MYT1L: variants seen among roughly 807,000 people sequenced by gnomAD.
MYT1L encodes the protein myelin transcription factor 1 like.
In MYT1L, 12 loss-of-function variants were observed where a neutral mutation model predicts 126.7. That is an observed-to-expected ratio of 0.09 (90% CI 0.06 to 0.15). MYT1L has a LOEUF of 0.15. Among genes scored for constraint, MYT1L ranks in the 10% least tolerant of loss-of-function variants. The probability of loss-of-function intolerance (pLI) is 1.00; values close to 1 mark genes in which losing one functional copy is unlikely to be tolerated. For missense variants in MYT1L, 979 were observed against 1,585.2 expected (o/e 0.62, Z 6.49); for synonymous variants, 541 against 604.2 (o/e 0.90, Z 1.53).
chr2:1,937,496 C>T (rs115645122), intron 9 of MYT1L, among the ~76,000 whole-genome samples: 2,006 of 151,426 alleles, frequency 0.013, 46 homozygotes, highest in African/African-American at 0.046. Context: ...CCCTAACGTC[C>T]GCGGCCATCA....
At chr2:2,188,477 C>T (rs2092362769) in intron 2 of MYT1L, among the ~76,000 whole-genome samples, 1 of 152,194 alleles carries the variant, frequency 6.6e-6, no homozygotes, top group Non-Finnish European at 1.5e-5. Context: ...GTGTGCAGTG[C>T]TTAATGCCAA....
chr2:2,308,976 C>G (rs2095906336), intron 1 of MYT1L, among the ~76,000 whole-genome samples: 2 of 151,808 alleles, frequency 1.3e-5, no homozygotes. Flanking sequence ...TTATTATATT[C>G]TACCTATACT....
intron 8 of MYT1L, among the ~76,000 whole-genome samples, chr2:1,944,567 G>A (rs150603475): frequency 6.6e-6 from 1 of 152,164 alleles, no homozygotes; most frequent in Non-Finnish European, 1.5e-5. Context: ...GGGGGCTCCT[G>A]CACACCTTGA....
At chr2:1,952,553 C>A (rs2057856179) in intron 8 of MYT1L, among the ~76,000 whole-genome samples, 1 of 151,716 alleles carries the variant, frequency 6.6e-6, no homozygotes, top group South Asian at 2.1e-4. Context: ...TCTATTTTTT[C>A]TTCTTGGAAT....
intron 18 of MYT1L, among the ~76,000 whole-genome samples, chr2:1,865,226 C>G (rs550485641): frequency 1.6e-4 from 25 of 152,280 alleles, no homozygotes; most frequent in African/African-American, 5.5e-4. Context: ...AAGGTGGGAC[C>G]TGCACTGGAT....
chr2:2,082,201 TA>T lies in MYT1L; in HGVS notation c.-303-28079del, dbSNP rs553234858. 2.4e-3 allele frequency among the ~76,000 whole-genome samples: 360 copies of T among 152,288 alleles called. 1 individual carries two copies. Among genetic ancestry groups the T allele is most frequent in the Non-Finnish European group, 4.4e-3 (297 of 68,014 alleles). Reference sequence around the variant, plus strand: ...GTGTATAGCATAAGACAGCATTATATAAAATGCTATGGAAACACCTGGGGCA... The same window carrying T: ...GTGTATAGCATAAGACAGCATTATATAAATGCTATGGAAACACCTGGGGCA... On this transcript the variant is annotated intron_variant, in intron 3 of 24. Transcript: ENST00000647738.
intron 3 of MYT1L, among the ~76,000 whole-genome samples, chr2:2,103,411 T>A (rs1029607159): frequency 1.3e-5 from 2 of 152,182 alleles, no homozygotes; most frequent in African/African-American, 4.8e-5. Context: ...CAACACGTCC[T>A]CCTCTTCTCT....
chr2:2,045,905 G>C (rs1228677552), intron 4 of MYT1L, among the ~76,000 whole-genome samples: 1 of 152,128 alleles, frequency 6.6e-6, no homozygotes, highest in South Asian at 2.1e-4. Context: ...CCATGGGTCT[G>C]TCTTAGCTAC....
In MYT1L at chr2:1,806,661, T is replaced by C. The variant is rs1392738737; in HGVS notation, c.3172+2415A>G. 6.6e-6 allele frequency among the ~76,000 whole-genome samples: 1 copy of C among 152,146 alleles called. No individual in the cohort carries two copies. The highest frequency in any genetic ancestry group is 2.4e-5 in the African/African-American group (1 of 41,448). ...CGACTCAGGCCCACCGATGAAGAGATGGCCACCTCAGGGATCTGCCCACCG... is the reference window on the plus strand; with the variant it reads ...CGACTCAGGCCCACCGATGAAGAGACGGCCACCTCAGGGATCTGCCCACCG... On this transcript the variant is annotated intron_variant, in intron 22 of 24. Coordinates refer to ENST00000647738, the MANE Select transcript of MYT1L (RefSeq NM_001303052.2). The surrounding 1 kb of genome is among the most constrained non-coding windows in gnomAD (Gnocchi z 4.9).
intron 3 of MYT1L, among the ~76,000 whole-genome samples, chr2:2,164,697 C>T (rs1047191177): frequency 6.6e-6 from 1 of 152,198 alleles, no homozygotes; most frequent in Non-Finnish European, 1.5e-5. Flanking sequence ...TGACATTCTG[C>T]AACGTGCTTT....
At chr2:1,843,120 A>G (rs1311237429) in intron 19 of MYT1L, among the ~76,000 whole-genome samples, 1 of 152,196 alleles carries the variant, frequency 6.6e-6, no homozygotes, top group Non-Finnish European at 1.5e-5. Context: ...CCTTGCCGCC[A>G]TCCTTCGGGC....
At chr2:2,150,376 C>A (rs2085556916) in intron 3 of MYT1L, among the ~76,000 whole-genome samples, 1 of 152,152 alleles carries the variant, frequency 6.6e-6, no homozygotes, top group South Asian at 2.1e-4. Flanking sequence ...CAAAGACAAT[C>A]ATTACTAATA....
chr2:1,935,400 T>G (rs538154051), intron 9 of MYT1L, among the ~76,000 whole-genome samples: 2 of 152,148 alleles, frequency 1.3e-5, no homozygotes, highest in African/African-American at 4.8e-5. Flanking sequence ...TTAATATACA[T>G]GATATACTTG....
At chr2:1,795,311 C>T (rs1172905146) in intron 23 of MYT1L, among the ~76,000 whole-genome samples, 2 of 152,224 alleles carry the variant, frequency 1.3e-5, no homozygotes, top group African/African-American at 4.8e-5. Context: ...TCTGACCCAG[C>T]CTTAGGGGCC....
At chr2:1,978,692 C>T (rs2060363456) in intron 8 of MYT1L, among the ~76,000 whole-genome samples, 1 of 152,140 alleles carries the variant, frequency 6.6e-6, no homozygotes, top group African/African-American at 2.4e-5. Context: ...CTGCAGCCGT[C>T]CAGATGTAAG....
At position 1,802,314 on chromosome 2, in the gene MYT1L, C is replaced by T. The variant is rs143750052; in HGVS notation, c.3173-515G>A. On this transcript the variant is annotated intron_variant, in intron 22 of 24. Transcript: ENST00000647738. ...CGGAAAATGGGCAACAGACGTGTAA[C>T]GACAAATGCCGTCCAGCAAACGCTG... 8.0e-3 allele frequency among the ~76,000 whole-genome samples: 1,224 copies of T among 152,236 alleles called. 4 individuals are homozygous for T. Among genetic ancestry groups the T allele is most frequent in the Admixed American group, 0.012 (178 of 15,280 alleles).
At chr2:2,074,121 T>A (rs987033207) in intron 3 of MYT1L, among the ~76,000 whole-genome samples, 8 of 152,274 alleles carry the variant, frequency 5.3e-5, no homozygotes, top group African/African-American at 1.7e-4. Context: ...AAATCAATTG[T>A]TTAATAATTT....
At chr2:1,870,094 T>A (rs2046091854) in intron 18 of MYT1L, among the ~76,000 whole-genome samples, 1 of 152,134 alleles carries the variant, frequency 6.6e-6, no homozygotes, top group Admixed American at 6.5e-5. Context: ...TTGCATGATG[T>A]CAGTTCTGAT....
At chr2:1,966,767 T>A (rs1217935287) in intron 8 of MYT1L, among the ~76,000 whole-genome samples, 1 of 136,356 alleles carries the variant, frequency 7.3e-6, no homozygotes, top group East Asian at 2.2e-4. Flanking sequence ...CATGTTATAA[T>A]GTTAAGTGAA....
Sources: gnomAD v4.1 joint callset for allele counts (sites outside exome capture counted in the v4.1 genomes callset) on GRCh38, gnomAD v4.1.1 for gene constraint, Gnocchi (gnomAD v3.1) non-coding constraint, MANE v1.5 for transcripts, NCBI Gene and HGNC (gene_info 2026-07-23, HGNC 2026-07-21) for gene names.